The following JAKMIP2 variants were observed in gnomAD, a reference collection of about 807,000 sequenced individuals.
JAKMIP2 encodes janus kinase and microtubule-interacting protein 2.
JAKMIP2 carries 25 observed loss-of-function variants against 115.0 expected under a neutral mutation model. The observed-to-expected ratio is 0.22, with a 90% confidence interval of 0.16 to 0.30. The LOEUF (loss-of-function observed/expected upper bound fraction) is 0.30. JAKMIP2 is among the 10% of genes least tolerant of loss of function. The pLI, the probability that JAKMIP2 is intolerant of heterozygous loss-of-function variation, is 1.00. For missense variants in JAKMIP2, 642 were observed against 957.6 expected, an observed-to-expected ratio of 0.67 and a Z score of 4.35; for synonymous variants, 334 against 343.6, an observed-to-expected ratio of 0.97 and a Z score of 0.31.
At position 147,661,049 on chromosome 5, in the gene JAKMIP2, C is replaced by T. The variant is rs1458118598; in HGVS notation, c.526G>A (p.Ala176Thr). ...VDEALSNMIQ[A>T]DKIKAGDLRS... ...AGGTCCCCAGCCTTGATTTTATCTG[C>T]TTGGATCATATTGCTCAGAGCCTCG... Residue 176 changes from alanine to threonine, a missense_variant, in exon 3 of 22, where the codon GCA (alanine) becomes ACA (threonine). Around this residue, in one of 6 missense-constraint regions of JAKMIP2, gnomAD observed 439 missense variants for 570.9 expected, o/e 0.77. Coordinates refer to ENST00000616793, the MANE Select transcript of JAKMIP2 (RefSeq NM_001270941.2). 1 of 1,613,958 alleles carries T rather than the reference C, an allele frequency of 6.2e-7. No individual in the cohort carries two copies. The highest frequency in any genetic ancestry group is 8.5e-7 in the Non-Finnish European group (1 of 1,180,040).
intron 1 of JAKMIP2, among the ~76,000 whole-genome samples, chr5:147,759,518 CA>C (rs1373600409): frequency 6.6e-6 from 1 of 151,986 alleles, no homozygotes; most frequent in African/African-American, 2.4e-5. Context: ...GGACAAGAAA[CA>C]AACCAACAAC....
chr5:147,678,705 C>T (rs951995954), intron 1 of JAKMIP2, among the ~76,000 whole-genome samples: 37 of 152,158 alleles, frequency 2.4e-4, no homozygotes, highest in African/African-American at 8.4e-4. Flanking sequence ...AGGAGAAATG[C>T]TTGAGGGGAT....
chr5:147,623,823 C>T (rs953774199), intron 16 of JAKMIP2, 134 bp from the exon 17 acceptor site: 8 of 541,506 alleles, frequency 1.5e-5, no homozygotes, highest in Non-Finnish European at 2.0e-5. Context: ...AAAAACAACA[C>T]CTTTTTTTGC....
chr5:147,752,614 T>C (rs1481347595), intron 1 of JAKMIP2, among the ~76,000 whole-genome samples: 1 of 152,104 alleles, frequency 6.6e-6, no homozygotes, highest in Non-Finnish European at 1.5e-5. Flanking sequence ...GGAGGAAAAG[T>C]TGGTTGCATG....
chr5:147,623,956 T>A (rs1756978447), intron 16 of JAKMIP2, among the ~76,000 whole-genome samples: 1 of 152,114 alleles, frequency 6.6e-6, no homozygotes, highest in African/African-American at 2.4e-5. Context: ...TGCCTCAGCC[T>A]CCCGAGTAGC....
At chr5:147,624,258 G>A (rs1756995458) in intron 16 of JAKMIP2, among the ~76,000 whole-genome samples, 1 of 152,216 alleles carries the variant, frequency 6.6e-6, no homozygotes, top group East Asian at 1.9e-4. Context: ...TCCTAGGGCT[G>A]CAGTGGTGAA....
chr5:147,698,182 T>C (rs1752181551), intron 1 of JAKMIP2, among the ~76,000 whole-genome samples: 1 of 152,158 alleles, frequency 6.6e-6, no homozygotes, highest in Non-Finnish European at 1.5e-5. Context: ...GACTGCTCTA[T>C]TGGATTTTGG....
intron 1 of JAKMIP2, among the ~76,000 whole-genome samples, chr5:147,718,743 TC>T (rs1472291282): frequency 6.6e-6 from 1 of 152,208 alleles, no homozygotes; most frequent in African/African-American, 2.4e-5. Context: ...TCTCTTTTTT[TC>T]TTTATTAGTC....
chr5:147,725,424 A>C (rs2126954802), intron 1 of JAKMIP2, among the ~76,000 whole-genome samples: 1 of 152,164 alleles, frequency 6.6e-6, no homozygotes, highest in South Asian at 2.1e-4. Context: ...ACTCATCCCG[A>C]ATTCTTTCTC....
At chr5:147,646,682 T>C (rs1758146499) in intron 5 of JAKMIP2, among the ~76,000 whole-genome samples, 1 of 151,500 alleles carries the variant, frequency 6.6e-6, no homozygotes, top group African/African-American at 2.4e-5. Flanking sequence ...TACATATATA[T>C]ATACACATAC....
intron 1 of JAKMIP2, among the ~76,000 whole-genome samples, chr5:147,720,855 A>C (rs2126940790): frequency 6.6e-6 from 1 of 152,312 alleles, no homozygotes. Flanking sequence ...AGCTCGTCAA[A>C]GTCATTCTCC....
At chr5:147,675,115 C>T (rs1475200171) in intron 1 of JAKMIP2, among the ~76,000 whole-genome samples, 1 of 152,078 alleles carries the variant, frequency 6.6e-6, no homozygotes, top group East Asian at 1.9e-4. Context: ...GGGACAGATA[C>T]AATAGATACA....
At chr5:147,653,328 A>T (rs1758503732) in intron 3 of JAKMIP2, among the ~76,000 whole-genome samples, 1 of 152,192 alleles carries the variant, frequency 6.6e-6, no homozygotes, top group Admixed American at 6.5e-5. Context: ...TCCCACCAAC[A>T]GTGCAAAAAG....
chr5:147,655,532 G>C (rs889357406), intron 3 of JAKMIP2, among the ~76,000 whole-genome samples: 41 of 152,246 alleles, frequency 2.7e-4, no homozygotes, highest in African/African-American at 8.9e-4. Flanking sequence ...TACTGCTATG[G>C]AGTTAGTGGT....
At position 147,730,330 on chromosome 5, in the gene JAKMIP2, G is replaced by A. The variant is rs182936903; in HGVS notation, c.-149+52126C>T. On this transcript the variant is annotated intron_variant, in intron 1 of 21. Coordinates refer to ENST00000616793, the MANE Select transcript of JAKMIP2 (RefSeq NM_001270941.2). ...CCTTGTAAAATTCAGGTTTAGCAAA[G>A]AAGCTGCTAAGTCAGTTTGGCAAAA... Among the ~76,000 whole-genome samples, 92 of 152,314 alleles carry A rather than the reference G, an allele frequency of 6.0e-4. 1 individual carries two copies. The highest frequency in any genetic ancestry group is 9.4e-4 in the Non-Finnish European group (64 of 68,026).
At chr5:147,713,912 C>A (rs1752872214) in intron 1 of JAKMIP2, among the ~76,000 whole-genome samples, 1 of 152,172 alleles carries the variant, frequency 6.6e-6, no homozygotes, top group South Asian at 2.1e-4. Flanking sequence ...ACGACTGCAG[C>A]CCGACTGTAA....
intron 1 of JAKMIP2, among the ~76,000 whole-genome samples, chr5:147,738,224 A>C (rs1753998943): frequency 6.6e-6 from 1 of 152,136 alleles, no homozygotes; most frequent in South Asian, 2.1e-4. Flanking sequence ...TTAAGCTGCC[A>C]TTTTAGTAAA....
At chr5:147,750,206 G>T (rs899141958) in intron 1 of JAKMIP2, among the ~76,000 whole-genome samples, 1 of 152,124 alleles carries the variant, frequency 6.6e-6, no homozygotes, top group African/African-American at 2.4e-5. Context: ...GATGAGGGAA[G>T]AGAAAATAAA....
At position 147,628,963 on chromosome 5, in the gene JAKMIP2, A is replaced by G. The variant is rs1757234558; in HGVS notation, c.1930-147T>C. 3 of 568,984 alleles carry G rather than the reference A, an allele frequency of 5.3e-6. No homozygotes were observed. In the South Asian group the frequency reaches 8.0e-5, roughly 15 times the overall value. 35.2% of individuals were successfully genotyped at this position (568,984 alleles called of 1,614,324 possible). On this transcript the variant is annotated intron_variant, in intron 15 of 21. Transcript: ENST00000616793. ...CCTATTCTGTTTAGTAATAATTCTG[A>G]ACAAAGAGTTAATCAAAACCCGGAA...
Sources: allele counts gnomAD v4.1 joint callset (sites outside exome capture counted in the v4.1 genomes callset), GRCh38; gene constraint gnomAD v4.1.1; regional missense constraint gnomAD v4.1.1; transcripts MANE v1.5; gene names NCBI Gene and HGNC (gene_info 2026-07-23, HGNC 2026-07-21).